The following FGF1 variants were observed in gnomAD, a reference collection of about 807,000 sequenced individuals.
FGF1 encodes beta-endothelial cell growth factor.
In FGF1, 9 loss-of-function variants were observed where a neutral mutation model predicts 13.4. The observed-to-expected ratio is 0.67, with a 90% CI of 0.40 to 1.17. The LOEUF is 1.17. Ranked by LOEUF, FGF1 falls within the 50% of genes most tolerant of loss-of-function variation. The pLI, the probability that FGF1 is intolerant of heterozygous loss-of-function variation, is 0.01. For synonymous variants in FGF1, 93 were observed against 79.0 expected (o/e 1.18, Z -0.94); for missense variants, 156 against 192.7 (o/e 0.81, Z 1.13).
chr5:142,594,548 C>A lies in FGF1; in HGVS notation c.*742G>T, dbSNP rs1754870867. 6.6e-6 allele frequency: 1 copy of A among 152,272 alleles called. No individual in the cohort carries two copies. The highest frequency in any genetic ancestry group is 6.5e-5 in the Admixed American group (1 of 15,270). The allele number at this position is 152,272 out of a possible 1,614,324, so 9.4% of individuals were successfully genotyped here. Reference sequence around the variant, plus strand: ...GAATTTCCCAGCTCTGATATCCTTGCTTGTTATCAGGAAACCACTTCTAGT... The same window carrying A: ...GAATTTCCCAGCTCTGATATCCTTGATTGTTATCAGGAAACCACTTCTAGT... On this transcript the variant is annotated 3_prime_UTR_variant, in exon 4 of 4. Transcript: ENST00000337706.
intron 1 of FGF1, among the ~76,000 whole-genome samples, chr5:142,622,877 C>A (rs985843040): frequency 6.6e-6 from 1 of 152,248 alleles, no homozygotes; most frequent in Non-Finnish European, 1.5e-5. Context: ...CAAACCAGTT[C>A]TGTTCCATGA....
Position 142,601,077 on chromosome 5 carries a change from C to T in FGF1, c.170-272G>A, listed in dbSNP as rs543278112. ...TCCACCCTGTTGGTTACAAAATGAC[C>T]CTGAGTGCACCTTCACGGTGCCTCG... On this transcript the variant is annotated intron_variant, in intron 2 of 3. Coordinates refer to ENST00000337706, the MANE Select transcript of FGF1 (RefSeq NM_000800.5). 9.9e-5 allele frequency: 58 copies of T among 586,416 alleles called. No individual in the cohort carries two copies. In the East Asian group the frequency reaches 2.2e-3, roughly 22 times the overall value. The allele number at this position is 586,416 out of a possible 1,614,324, so 36.3% of individuals were successfully genotyped here.
intron 1 of FGF1, among the ~76,000 whole-genome samples, chr5:142,679,094 A>G (rs936529575): frequency 6.6e-5 from 10 of 152,078 alleles, no homozygotes; most frequent in African/African-American, 2.2e-4. Context: ...ACTGCCCTAC[A>G]TAGGATCACT....
At chr5:142,696,366 G>C (rs1353070106) in intron 2 of FGF1, among the ~76,000 whole-genome samples, 2 of 152,202 alleles carry the variant, frequency 1.3e-5, no homozygotes, top group African/African-American at 2.4e-5. Flanking sequence ...TGAGAACTCT[G>C]ATCATTTCTG....
chr5:142,628,366 C>T lies in FGF1; in HGVS notation c.-34-14205G>A, dbSNP rs139987264. ...TCTACTAAAAATACAAAAAATTAGC[C>T]GGGCGTGATGGCACATGCCTGTAAT... On this transcript the variant is annotated intron_variant, in intron 1 of 3. Transcript: ENST00000337706. 2.4e-3 allele frequency among the ~76,000 whole-genome samples: 368 copies of T among 152,192 alleles called. 3 individuals carry two copies. The highest frequency in any genetic ancestry group is 6.0e-3 in the African/African-American group (249 of 41,522).
At chr5:142,623,523 C>CT (rs1227696497) in intron 1 of FGF1, among the ~76,000 whole-genome samples, 1 of 151,510 alleles carries the variant, frequency 6.6e-6, no homozygotes, top group Non-Finnish European at 1.5e-5. Flanking sequence ...TTTTTGCATT[C>CT]TTTTAGTAGA....
Position 142,672,909 on chromosome 5 carries a change from G to A in FGF1, c.-35+13048C>T, listed in dbSNP as rs1048145359. On this transcript the variant is annotated intron_variant, in intron 1 of 3. Transcript: ENST00000337706. ...CCGGACCTGACCCTCTGCTCCTACC[G>A]TGAGACTTCACATCACTTCTCTCTA... Among the ~76,000 whole-genome samples the A allele has an allele frequency of 5.3e-5, 8 of 152,256 alleles. No individual in the cohort carries two copies. In the South Asian group the frequency reaches 6.2e-4, roughly 12 times the overall value.
chr5:142,633,155 G>A (rs1414079517), intron 1 of FGF1, among the ~76,000 whole-genome samples: 1 of 152,024 alleles, frequency 6.6e-6, no homozygotes, highest in African/African-American at 2.4e-5. Context: ...TCTTGACCTC[G>A]TGATCCACCT....
intron 1 of FGF1, among the ~76,000 whole-genome samples, chr5:142,617,492 G>C (rs2151885276): frequency 6.6e-6 from 1 of 152,218 alleles, no homozygotes; most frequent in Admixed American, 6.5e-5. Context: ...CAGGTCCTCA[G>C]GGGCCCCTCC....
chr5:142,624,304 C>G (rs1336638471), intron 1 of FGF1, among the ~76,000 whole-genome samples: 2 of 152,178 alleles, frequency 1.3e-5, no homozygotes, highest in Admixed American at 1.3e-4. Flanking sequence ...TAGGCTCAAG[C>G]AATCCTCCCA....
At position 142,654,730 on chromosome 5, in the gene FGF1, C is replaced by T. The variant is rs78834323; in HGVS notation, c.-35+31227G>A. ...TTCGACTCCATGAATGTTGTGGCCT[C>T]GTTGGAAGGAAACACTCCCTCTTTA... On this transcript the variant is annotated intron_variant, in intron 1 of 3. Coordinates refer to ENST00000337706, the MANE Select transcript of FGF1 (RefSeq NM_000800.5). Among the ~76,000 whole-genome samples the T allele has an allele frequency of 6.4e-3, 974 of 152,318 alleles. 4 individuals carry two copies. The highest frequency in any genetic ancestry group is 0.014 in the South Asian group (66 of 4,832).
chr5:142,659,574 A>G (rs1768813686), intron 1 of FGF1, among the ~76,000 whole-genome samples: 1 of 152,216 alleles, frequency 6.6e-6, no homozygotes, highest in African/African-American at 2.4e-5. Flanking sequence ...AGGCAGTGTC[A>G]GCGGTGGTTA....
intron 1 of FGF1, among the ~76,000 whole-genome samples, chr5:142,650,465 G>A (rs986781655): frequency 5.9e-5 from 9 of 152,080 alleles, no homozygotes; most frequent in African/African-American, 2.2e-4. Flanking sequence ...TTTCCTCATC[G>A]GCAGAAGGGT....
At chr5:142,690,322 G>C (rs1751983511), upstream of FGF1, among the ~76,000 whole-genome samples, 1 of 152,104 alleles carries the variant, frequency 6.6e-6, no homozygotes, top group Non-Finnish European at 1.5e-5. Flanking sequence ...CTGGGTGACA[G>C]AGTGAGACTC....
chr5:142,654,899 A>C (rs1256078198), intron 1 of FGF1, among the ~76,000 whole-genome samples: 1 of 152,232 alleles, frequency 6.6e-6, no homozygotes, highest in Non-Finnish European at 1.5e-5. Context: ...AGAGGGCTGC[A>C]GGCCTGTGGC....
chr5:142,642,636 G>A (rs1765382765), intron 1 of FGF1, among the ~76,000 whole-genome samples: 1 of 152,252 alleles, frequency 6.6e-6, no homozygotes, highest in African/African-American at 2.4e-5. Flanking sequence ...CCACCAAATA[G>A]ATCTGGCTTT....
intron 1 of FGF1, among the ~76,000 whole-genome samples, chr5:142,618,239 C>G (rs574595153): frequency 1.3e-5 from 2 of 152,220 alleles, no homozygotes; most frequent in South Asian, 4.2e-4. Context: ...AACACCAAGC[C>G]TATTGGAACA....
At chr5:142,650,226 T>C (rs1289622729) in intron 1 of FGF1, among the ~76,000 whole-genome samples, 1 of 152,236 alleles carries the variant, frequency 6.6e-6, no homozygotes, top group Non-Finnish European at 1.5e-5. Flanking sequence ...ACTGCTCTTC[T>C]ATGCCAGGCA....
chr5:142,676,857 AC>A (rs1367629030), intron 1 of FGF1, among the ~76,000 whole-genome samples: 1 of 152,148 alleles, frequency 6.6e-6, no homozygotes, highest in East Asian at 1.9e-4. Flanking sequence ...TTCTGAAGTC[AC>A]CCTGCATCTC....
Sources: allele counts gnomAD v4.1 joint callset (sites outside exome capture counted in the v4.1 genomes callset), GRCh38; gene constraint gnomAD v4.1.1; transcripts MANE v1.5; gene names NCBI Gene and HGNC (gene_info 2026-07-23, HGNC 2026-07-21).